Variants in NUP98 observed in about 807,000 individuals in gnomAD.
The protein encoded by NUP98 is nucleoporin 98 and 96 precursor.
Under a neutral mutation model 191.9 loss-of-function variants are expected in NUP98, and 26 were observed. The observed-to-expected ratio is 0.14, with a 90% CI of 0.10 to 0.19. NUP98 has a LOEUF of 0.19. Among genes scored for constraint, NUP98 ranks in the 10% least tolerant of loss-of-function variants. The pLI is 1.00. For missense variants in NUP98, 1,941 were observed against 2,178.8 expected (o/e 0.89, Z 2.17); for synonymous variants, 808 against 778.4 (o/e 1.04, Z -0.63).
chr11:3,699,810 A>C (rs2078621057), intron 24 of NUP98, among the ~76,000 whole-genome samples: 1 of 152,210 alleles, frequency 6.6e-6, no homozygotes, highest in Non-Finnish European at 1.5e-5. Flanking sequence ...AAATCTCAAA[A>C]CGTGTGGCAT....
chr11:3,791,109 A>G (rs1304013182), intron 1 of NUP98, among the ~76,000 whole-genome samples: 3 of 151,842 alleles, frequency 2.0e-5, no homozygotes, highest in Non-Finnish European at 4.4e-5. Context: ...GTTAGCCAGG[A>G]TGGTCTCGAT....
intron 1 of NUP98, among the ~76,000 whole-genome samples, chr11:3,792,483 C>T (rs1235304479): frequency 6.6e-6 from 1 of 151,778 alleles, no homozygotes; most frequent in Admixed American, 6.6e-5. Flanking sequence ...TGGTGGTACA[C>T]ACCTGTAGTC....
intron 14 of NUP98, among the ~76,000 whole-genome samples, chr11:3,726,505 C>T (rs2079623524): frequency 6.7e-6 from 1 of 148,478 alleles, no homozygotes; most frequent in Non-Finnish European, 1.5e-5. Context: ...AGTAGGTGTC[C>T]CTATAGACGC....
intron 1 of NUP98, among the ~76,000 whole-genome samples, chr11:3,788,839 C>T (rs1361467373): frequency 5.9e-5 from 9 of 151,816 alleles, no homozygotes; most frequent in African/African-American, 1.7e-4. Flanking sequence ...CCCAGCTATT[C>T]GGGAGGCTGA....
At chr11:3,710,974 T>A (rs1439737115) in intron 20 of NUP98, among the ~76,000 whole-genome samples, 1 of 152,186 alleles carries the variant, frequency 6.6e-6, no homozygotes, top group Non-Finnish European at 1.5e-5. Context: ...CCATGGTGAC[T>A]CACGCCTGTA....
chr11:3,780,398 C>G (rs1159910689), intron 2 of NUP98, among the ~76,000 whole-genome samples: 1 of 150,142 alleles, frequency 6.7e-6, no homozygotes, highest in Non-Finnish European at 1.5e-5. Flanking sequence ...AAAAATTAGC[C>G]GGGCCTGGTG....
At chr11:3,751,417 C>CGT (rs538609896) in intron 11 of NUP98, among the ~76,000 whole-genome samples, 242 of 152,096 alleles carry the variant, frequency 1.6e-3, no homozygotes, top group African/African-American at 5.0e-3. Context: ...TATGTACAGA[C>CGT]GTGTGTGTGT....
chr11:3,745,549 C>T (rs964875032), intron 11 of NUP98, among the ~76,000 whole-genome samples: 9 of 151,934 alleles, frequency 5.9e-5, no homozygotes, highest in African/African-American at 2.2e-4. Flanking sequence ...AAGTTATTGG[C>T]ATTATTAAAA....
intron 12 of NUP98, among the ~76,000 whole-genome samples, chr11:3,737,022 T>C (rs1328406900): frequency 6.6e-6 from 1 of 152,164 alleles, no homozygotes; most frequent in Non-Finnish European, 1.5e-5. Context: ...AGACTATTCA[T>C]GATCTACCAT....
At chr11:3,703,037 G>A (rs1043970432) in intron 22 of NUP98, 145 bp from the exon 23 acceptor site, 7 of 680,232 alleles carry the variant, frequency 1.0e-5, no homozygotes, top group African/African-American at 5.4e-5. Flanking sequence ...CCAGAAGCAG[G>A]CTAAGTCAGA....
At position 3,684,246 on chromosome 11, in the gene NUP98, T is replaced by C. The variant is rs530123325; in HGVS notation, c.4677-805A>G. Among the ~76,000 whole-genome samples, 3 of 151,482 alleles carry C rather than the reference T, an allele frequency of 2.0e-5. No homozygotes were observed. The South Asian group carries it at 6.3e-4, about 32-fold the overall frequency. On this transcript the variant is annotated intron_variant, in intron 29 of 32. Coordinates refer to ENST00000324932, the MANE Select transcript of NUP98 (RefSeq NM_016320.5). ...AACAAAACAAAACAAACACATAGCA[T>C]TAATTTTTAAAAATAAAATAAAGTA...
chr11:3,722,460 AATAT>A (rs148681790), intron 16 of NUP98, among the ~76,000 whole-genome samples: 1 of 148,872 alleles, frequency 6.7e-6, no homozygotes. Context: ...TAAGTAACCA[AATAT>A]ATATATATAT....
chr11:3,752,518 A>AAAATAAATAAATAAATAAAT (rs3061901), intron 11 of NUP98, among the ~76,000 whole-genome samples: 14 of 147,562 alleles, frequency 9.5e-5, no homozygotes, highest in African/African-American at 3.0e-4. Context: ...CTCCATCTCC[A>AAAATAAATAAATAAATAAAT]AAATAAATAA....
chr11:3,763,660 C>A (rs896496382), intron 8 of NUP98, among the ~76,000 whole-genome samples: 7 of 152,094 alleles, frequency 4.6e-5, no homozygotes, highest in South Asian at 2.1e-4. Context: ...GTGATTCTCT[C>A]GCCTCAGCCT....
chr11:3,776,728 A>G (rs276889), intron 4 of NUP98, among the ~76,000 whole-genome samples: 78,629 of 150,854 alleles, frequency 0.52, 20,830 homozygotes, highest in African/African-American at 0.62. Flanking sequence ...TCTTGACCTC[A>G]TGATCCATCC....
At chr11:3,683,956 C>T (rs960237100) in intron 29 of NUP98, among the ~76,000 whole-genome samples, 14 of 152,010 alleles carry the variant, frequency 9.2e-5, no homozygotes, top group African/African-American at 3.1e-4. Flanking sequence ...GCCTGTAATC[C>T]CAGCACTTTG....
intron 30 of NUP98, among the ~76,000 whole-genome samples, chr11:3,682,283 T>C (rs147632572): frequency 8.2e-4 from 125 of 152,312 alleles, no homozygotes; most frequent in Middle Eastern, 3.4e-3. Context: ...GCACTTTAAA[T>C]TTCCTTCAAG....
chr11:3,710,803 T>A (rs998291390), intron 20 of NUP98, among the ~76,000 whole-genome samples: 1 of 152,200 alleles, frequency 6.6e-6, no homozygotes, highest in Admixed American at 6.5e-5. Context: ...TGCTCCAACA[T>A]ACCAAGCTCA....
intron 11 of NUP98, among the ~76,000 whole-genome samples, chr11:3,746,041 G>A (rs536505324): frequency 2.5e-4 from 38 of 152,080 alleles, no homozygotes; most frequent in Non-Finnish European, 4.7e-4. Flanking sequence ...AGGTCGAGGC[G>A]GGTGGATCAC....
Sources: allele counts gnomAD v4.1 joint callset (sites outside exome capture counted in the v4.1 genomes callset), GRCh38; gene constraint gnomAD v4.1.1; transcripts MANE v1.5; gene names NCBI Gene and HGNC (gene_info 2026-07-23, HGNC 2026-07-21).